MYO1E: variants seen among roughly 807,000 people sequenced by gnomAD.
The protein encoded by MYO1E is myosin IE, also known as unconventional myosin-Ie.
MYO1E carries 68 observed loss-of-function variants against 151.1 expected under a neutral mutation model. The observed-to-expected ratio is 0.45, with a 90% confidence interval of 0.37 to 0.55. The LOEUF is 0.55. MYO1E is among the 20% of genes least tolerant of loss of function. The probability of loss-of-function intolerance (pLI) is 0.00; values close to 1 mark genes in which losing one functional copy is unlikely to be tolerated. For synonymous variants in MYO1E, 601 were observed against 501.7 expected, an observed-to-expected ratio of 1.20 and a Z score of -2.64; for missense variants, 1,363 against 1,389.3, an observed-to-expected ratio of 0.98 and a Z score of 0.30.
intron 1 of MYO1E, among the ~76,000 whole-genome samples, chr15:59,364,115 T>G (rs1335002279): frequency 6.6e-6 from 1 of 152,184 alleles, no homozygotes; most frequent in Non-Finnish European, 1.5e-5. Flanking sequence ...TCCTTTGCCA[T>G]GGCAATGTCT....
chr15:59,267,789 C>T (rs1032581853), intron 2 of MYO1E, among the ~76,000 whole-genome samples: 3 of 152,202 alleles, frequency 2.0e-5, no homozygotes, highest in Non-Finnish European at 4.4e-5. Context: ...ATGTTTTCCT[C>T]ATAGATCTTA....
chr15:59,204,781 T>C (rs890394138), intron 15 of MYO1E, among the ~76,000 whole-genome samples: 5 of 152,220 alleles, frequency 3.3e-5, no homozygotes, highest in Admixed American at 6.5e-5. Flanking sequence ...CTCTGGTTAA[T>C]GTGGGTCTTG....
At chr15:59,138,408 G>C (rs376549716) in intron 26 of MYO1E, 41 bp from the exon 27 acceptor site, 16 of 1,609,622 alleles carry the variant, frequency 9.9e-6, no homozygotes, top group Non-Finnish European at 1.3e-5. Context: ...GCCCCAACAG[G>C]GGGCAGCAGC....
At chr15:59,356,863 C>T (rs1185646339) in intron 1 of MYO1E, among the ~76,000 whole-genome samples, 1 of 151,498 alleles carries the variant, frequency 6.6e-6, no homozygotes, top group African/African-American at 2.4e-5. Flanking sequence ...CACCACTGTG[C>T]CCTGCCTCCT....
At chr15:59,282,824 C>T (rs1280933677) in intron 1 of MYO1E, among the ~76,000 whole-genome samples, 16 of 128,826 alleles carry the variant, frequency 1.2e-4, no homozygotes, top group Admixed American at 6.4e-4. Flanking sequence ...CTACAGCCTG[C>T]GTAACAGAGC....
At chr15:59,193,337 T>C (rs1211585633) in intron 17 of MYO1E, among the ~76,000 whole-genome samples, 2 of 152,220 alleles carry the variant, frequency 1.3e-5, no homozygotes, top group African/African-American at 2.4e-5. Flanking sequence ...GGTCTCACTC[T>C]AACAGCTGGG....
rs533726441 is a variant in MYO1E, at chr15:59,242,399, G to A, written c.333-5727C>T. Among the ~76,000 whole-genome samples the A allele has an allele frequency of 6.8e-4, 103 of 152,278 alleles. 1 individual carries two copies. The highest frequency in any genetic ancestry group is 2.4e-3 in the African/African-American group (99 of 41,550). On this transcript the variant is annotated intron_variant, in intron 4 of 27. Transcript: ENST00000288235. The stretch of plus-strand genomic sequence containing the variant: ...TCAAGCATATAAGAGCCAGCTGGAA[G>A]GGGTTCCCACTGGCCAAATCAAAAT...
chr15:59,176,457 T>A (rs1264108751), intron 19 of MYO1E, among the ~76,000 whole-genome samples: 5 of 150,720 alleles, frequency 3.3e-5, no homozygotes, highest in Non-Finnish European at 7.4e-5. Flanking sequence ...TCCTTTTTTT[T>A]TTTTTTTTCT....
At chr15:59,361,867 G>C (rs1967039) in intron 1 of MYO1E, among the ~76,000 whole-genome samples, 145,214 of 152,052 alleles carry the variant, frequency 0.96, 69,616 homozygotes, top group East Asian at 1. Flanking sequence ...GATGGAGTCT[G>C]GCTGTATCGC....
At chr15:59,290,248 G>A (rs150885168) in intron 1 of MYO1E, among the ~76,000 whole-genome samples, 80 of 152,194 alleles carry the variant, frequency 5.3e-4, no homozygotes, top group African/African-American at 1.6e-3. Context: ...TCCCCACTCG[G>A]TGAAAATATC....
rs918264563 is a variant in MYO1E, at chr15:59,167,590, C to A, written c.2481-4287G>T. 5.9e-5 allele frequency among the ~76,000 whole-genome samples: 9 copies of A among 152,320 alleles called. No homozygotes were observed. The South Asian group carries it at 1.7e-3, about 28-fold the overall frequency. ...TACACTCAGAAATCCCGTGTCTCAACTCTGTATTGGTGTGTCACCTCCTGA... is the reference window on the plus strand; with the variant it reads ...TACACTCAGAAATCCCGTGTCTCAAATCTGTATTGGTGTGTCACCTCCTGA... On this transcript the variant is annotated intron_variant, in intron 22 of 27. Coordinates refer to ENST00000288235, the MANE Select transcript of MYO1E (RefSeq NM_004998.4).
rs573608161 is a variant in MYO1E at position 59,134,308 on chromosome 15, A to T, written c.*3072T>A. On this transcript the variant is annotated 3_prime_UTR_variant, in exon 28 of 28. Coordinates refer to ENST00000288235, the MANE Select transcript of MYO1E (RefSeq NM_004998.4). The stretch of plus-strand genomic sequence containing the variant: ...TCCTTCATGGTTGGGGAGCAAGCTT[A>T]TTCAAGAAGGCTTCACCCTTTGTCC... The T allele has an allele frequency of 6.6e-6, 1 of 152,394 alleles. No homozygotes were observed. The highest frequency in any genetic ancestry group is 2.1e-4 in the South Asian group (1 of 4,830). The allele number at this position is 152,394 out of a possible 1,614,324, so 9.4% of individuals were successfully genotyped here.
intron 1 of MYO1E, among the ~76,000 whole-genome samples, chr15:59,329,888 T>C (rs1448265296): frequency 6.6e-6 from 1 of 152,188 alleles, no homozygotes; most frequent in Non-Finnish European, 1.5e-5. Context: ...ACGAATATTA[T>C]TCATGGAGGG....
chr15:59,277,564 A>AAAAAAAAAAAAAAAC (rs1555416379), intron 1 of MYO1E, among the ~76,000 whole-genome samples: 15 of 139,832 alleles, frequency 1.1e-4, no homozygotes, highest in African/African-American at 3.3e-4. Context: ...AAAAAAAAAA[A>AAAAAAAAAAAAAAAC]AAAAAAAAAC....
chr15:59,152,588 G>A (rs550619398), intron 26 of MYO1E, among the ~76,000 whole-genome samples: 296 of 152,278 alleles, frequency 1.9e-3, no homozygotes, highest in Middle Eastern at 3.4e-3. Context: ...CCACCCTCAA[G>A]CTAGAGTTAA....
chr15:59,168,316 T>C (rs72746817), intron 22 of MYO1E, among the ~76,000 whole-genome samples: 1 of 151,922 alleles, frequency 6.6e-6, no homozygotes, highest in Non-Finnish European at 1.5e-5. Flanking sequence ...GGAGGCGAGG[T>C]GGGTAGATCC....
intron 7 of MYO1E, among the ~76,000 whole-genome samples, chr15:59,227,186 G>A (rs1259282250): frequency 6.6e-6 from 1 of 152,036 alleles, no homozygotes; most frequent in Non-Finnish European, 1.5e-5. Context: ...GAATTCCTTT[G>A]GCAAAGACTC....
chr15:59,209,811 T>A (rs2079866245), intron 13 of MYO1E, among the ~76,000 whole-genome samples: 1 of 133,382 alleles, frequency 7.5e-6, no homozygotes, highest in South Asian at 2.5e-4. Flanking sequence ...TTATTTTGAA[T>A]CACCTTTTTT....
chr15:59,224,485 T>C (rs2079976414), intron 8 of MYO1E, among the ~76,000 whole-genome samples: 1 of 152,192 alleles, frequency 6.6e-6, no homozygotes, highest in South Asian at 2.1e-4. Flanking sequence ...TTTTTACCCA[T>C]CTCAAATCAT....
Sources: gnomAD v4.1 joint callset for allele counts (sites outside exome capture counted in the v4.1 genomes callset) on GRCh38, gnomAD v4.1.1 for gene constraint, MANE v1.5 for transcripts, NCBI Gene and HGNC (gene_info 2026-07-23, HGNC 2026-07-21) for gene names.